RBM25: variants seen among roughly 807,000 people sequenced by gnomAD.
RBM25 encodes RNA-binding protein 25.
In RBM25, 19 loss-of-function variants were observed where a neutral mutation model predicts 120.7. The observed-to-expected ratio is 0.16, with a 90% CI of 0.11 to 0.23. The LOEUF (loss-of-function observed/expected upper bound fraction) is 0.23. RBM25 is among the 10% of genes least tolerant of loss of function. The probability of loss-of-function intolerance (pLI) is 1.00; values close to 1 mark genes in which losing one functional copy is unlikely to be tolerated. For missense variants in RBM25, 605 were observed against 1,041.5 expected, an observed-to-expected ratio of 0.58 and a Z score of 5.77; for synonymous variants, 390 against 326.7, an observed-to-expected ratio of 1.19 and a Z score of -2.09.
At chr14:73,068,245 A>G (rs2140423976) in intron 1 of RBM25, 4 of 872,592 alleles carry the variant, frequency 4.6e-6, no homozygotes, top group Middle Eastern at 2.3e-4. Context: ...CCTCTTTAAT[A>G]TTTTTATAAA....
At chr14:73,093,844 A>T (rs1296918029) in intron 6 of RBM25, among the ~76,000 whole-genome samples, 1 of 151,804 alleles carries the variant, frequency 6.6e-6, no homozygotes. Flanking sequence ...ACAGGAAATC[A>T]GAAAATCGTG....
chr14:73,098,990 A>T (rs1220117663), intron 7 of RBM25, among the ~76,000 whole-genome samples: 1 of 152,230 alleles, frequency 6.6e-6, no homozygotes, highest in Non-Finnish European at 1.5e-5. Context: ...GGCCTGTAGA[A>T]TTCATTCTTC....
At chr14:73,084,376 C>G (rs1895635892) in intron 5 of RBM25, among the ~76,000 whole-genome samples, 1 of 152,054 alleles carries the variant, frequency 6.6e-6, no homozygotes, top group Non-Finnish European at 1.5e-5. Flanking sequence ...TCTAATTTTC[C>G]TTGCAGTTTA....
intron 9 of RBM25, chr14:73,100,485 A>G (rs1462923757): frequency 7.9e-5 from 39 of 493,186 alleles, no homozygotes; most frequent in South Asian, 4.3e-4. Flanking sequence ...AGTTTTGCCT[A>G]TTTGAAGCTT....
At chr14:73,080,603 A>G (rs1050296495) in intron 4 of RBM25, among the ~76,000 whole-genome samples, 4 of 152,126 alleles carry the variant, frequency 2.6e-5, no homozygotes, top group Non-Finnish European at 5.9e-5. Flanking sequence ...CTATTTCAAT[A>G]TGCCTTTTTA....
chr14:73,114,955 A>G (rs1200286900), intron 18 of RBM25, among the ~76,000 whole-genome samples: 1 of 152,226 alleles, frequency 6.6e-6, no homozygotes, highest in African/African-American at 2.4e-5. Context: ...CCCTATGCCC[A>G]GCACAATGTG....
chr14:73,098,375 C>T (rs1895992708), intron 7 of RBM25, among the ~76,000 whole-genome samples: 3 of 152,132 alleles, frequency 2.0e-5, no homozygotes, highest in Admixed American at 2.0e-4. Context: ...AATGATCTGC[C>T]TGCCTCAGCC....
At chr14:73,060,557 A>G (rs895149505) in intron 1 of RBM25, among the ~76,000 whole-genome samples, 5 of 151,516 alleles carry the variant, frequency 3.3e-5, no homozygotes, top group African/African-American at 9.7e-5. Context: ...AACAGTCTGT[A>G]TTTTAGAGAT....
chr14:73,103,986 ACACACACACTCT>A (rs1896123517), intron 10 of RBM25, among the ~76,000 whole-genome samples: 7 of 117,808 alleles, frequency 5.9e-5, no homozygotes, highest in Non-Finnish European at 1.1e-4. Flanking sequence ...ACACACACAC[ACACACACACTCT>A]CTCTCTCTCT....
chr14:73,123,677 A>T lies in RBM25; in HGVS notation c.*3872A>T, dbSNP rs1286128353. On this transcript the variant is annotated 3_prime_UTR_variant, in exon 19 of 19. Coordinates refer to ENST00000261973, the MANE Select transcript of RBM25 (RefSeq NM_021239.3). ...AACTTACACTTTTTGATAAACTGAT[A>T]GATTTTTTGTAATGTGATTATGGTA... is the stretch of plus-strand genomic sequence containing the variant. 1.3e-5 allele frequency: 2 copies of T among 152,198 alleles called. No individual in the cohort carries two copies. Among genetic ancestry groups the T allele is most frequent in the African/African-American group, 4.8e-5 (2 of 41,442 alleles). 9.4% of individuals were successfully genotyped at this position (152,198 alleles called of 1,614,324 possible). A position where few individuals can be genotyped will look rare whatever the true frequency, so the allele number is the denominator to read the frequency against.
intron 6 of RBM25, among the ~76,000 whole-genome samples, 183 bp from the exon 7 acceptor site, chr14:73,096,732 C>T (rs556625521): frequency 1.3e-5 from 2 of 152,252 alleles, no homozygotes; most frequent in Non-Finnish European, 2.9e-5. Flanking sequence ...GAAGTAGTAT[C>T]TCAGGAATAG....
At chr14:73,079,333 G>T (rs1895503330) in intron 4 of RBM25, among the ~76,000 whole-genome samples, 1 of 150,838 alleles carries the variant, frequency 6.6e-6, no homozygotes, top group South Asian at 2.1e-4. Flanking sequence ...TGAGGCAGGA[G>T]AATCATTTGA....
intron 4 of RBM25, among the ~76,000 whole-genome samples, chr14:73,080,625 A>G (rs2140434671): frequency 6.6e-6 from 1 of 152,082 alleles, no homozygotes; most frequent in East Asian, 1.9e-4. Flanking sequence ...TGTTCTTCAT[A>G]ATTTTGATAT....
At chr14:73,094,875 G>C (rs1389951983) in intron 6 of RBM25, among the ~76,000 whole-genome samples, 1 of 151,072 alleles carries the variant, frequency 6.6e-6, no homozygotes, top group Non-Finnish European at 1.5e-5. Context: ...GATGGGGGTG[G>C]AGACAGAGTC....
intron 1 of RBM25, among the ~76,000 whole-genome samples, chr14:73,064,525 G>A (rs1329219997): frequency 1.3e-5 from 2 of 150,970 alleles, no homozygotes; most frequent in Admixed American, 1.3e-4. Context: ...CTCCCGAGTA[G>A]CTGGGACTAC....
chr14:73,085,978 C>G (rs754110539), intron 5 of RBM25, among the ~76,000 whole-genome samples: 2 of 151,010 alleles, frequency 1.3e-5, no homozygotes, highest in Non-Finnish European at 2.9e-5. Flanking sequence ...CTTTACATCT[C>G]CAGTGGTTTT....
chr14:73,113,726 TTAACCTAACACTTAGAATC>T (rs1896365322), intron 17 of RBM25, among the ~76,000 whole-genome samples: 1 of 152,064 alleles, frequency 6.6e-6, no homozygotes, highest in South Asian at 2.1e-4. Flanking sequence ...AAAACTTCTT[TTAACCTAACACTTAGAATC>T]TGTCTGTCAT....
chr14:73,065,607 AC>A (rs1362924592), intron 1 of RBM25, among the ~76,000 whole-genome samples: 1 of 150,818 alleles, frequency 6.6e-6, no homozygotes. Flanking sequence ...TGTATTAGAT[AC>A]GGGGTTTCGC....
chr14:73,106,658 C>T (rs1332087741), intron 12 of RBM25, among the ~76,000 whole-genome samples: 1 of 152,022 alleles, frequency 6.6e-6, no homozygotes, highest in Non-Finnish European at 1.5e-5. Flanking sequence ...CATTTTATCT[C>T]ATGGATTGTT....
Sources: gnomAD v4.1 joint callset for allele counts (sites outside exome capture counted in the v4.1 genomes callset) on GRCh38, gnomAD v4.1.1 for gene constraint, MANE v1.5 for transcripts, NCBI Gene and HGNC (gene_info 2026-07-23, HGNC 2026-07-21) for gene names.